The following RNF24 variants were observed in gnomAD, a reference collection of about 807,000 sequenced individuals.
RNF24 encodes ring finger protein 24.
Under a neutral mutation model 20.0 loss-of-function variants are expected in RNF24, and 14 were observed. That is an observed-to-expected ratio of 0.70 (90% CI 0.46 to 1.10). The LOEUF is 1.10. Ranked by LOEUF, RNF24 falls within the 50% of genes least tolerant of loss-of-function variation. The pLI is 0.00. For missense variants in RNF24, 124 were observed against 177.6 expected (o/e 0.70, Z 1.71); for synonymous variants, 45 against 61.1 (o/e 0.74, Z 1.23).
In RNF24 at chr20:4,001,674, C is replaced by T. The variant is rs1011960064; in HGVS notation, c.-8+13763G>A. The stretch of plus-strand genomic sequence containing the variant: ...AGTTTCAGGCCAGCATGGTGAATCA[C>T]GCCCGTAGCCCAGCACTTTGGCAGG... On this transcript the variant is annotated intron_variant, in intron 1 of 5. Coordinates refer to ENST00000358395, the MANE Select transcript of RNF24 (RefSeq NM_001134337.3). Among the ~76,000 whole-genome samples the T allele has an allele frequency of 7.2e-5, 11 of 152,194 alleles. No homozygotes were observed. In the East Asian group the frequency reaches 1.9e-3, roughly 27 times the overall value.
At chr20:4,013,023 C>T (rs183405624) in intron 1 of RNF24, among the ~76,000 whole-genome samples, 88 of 150,706 alleles carry the variant, frequency 5.8e-4, no homozygotes, top group African/African-American at 2.0e-3. Context: ...TTTTTTTCTG[C>T]TTCATTTTTC....
At chr20:3,949,920 C>T (rs1235117933) in intron 2 of RNF24, among the ~76,000 whole-genome samples, 1 of 152,056 alleles carries the variant, frequency 6.6e-6, no homozygotes, top group Non-Finnish European at 1.5e-5. Context: ...TGTTGTTTTA[C>T]CTAACAAATG....
chr20:3,955,137 TG>T (rs1373736063), intron 2 of RNF24, among the ~76,000 whole-genome samples: 1 of 152,230 alleles, frequency 6.6e-6, no homozygotes, highest in African/African-American at 2.4e-5. Context: ...TTCATGTGCT[TG>T]TTGGCCATTT....
At position 4,005,969 on chromosome 20, in the gene RNF24, T is replaced by C. The variant is rs768602715; in HGVS notation, c.-8+9468A>G. Among the ~76,000 whole-genome samples, 79 of 152,180 alleles carry C rather than the reference T, an allele frequency of 5.2e-4. 1 individual carries two copies. The highest frequency in any genetic ancestry group is 1.3e-4 in the Admixed American group (2 of 15,268). Reference sequence around the variant, plus strand: ...TAAACAATTATGATATTAAATCTGCTAAAGGAAGTGAAGAACTGTATCTGA... The same window carrying C: ...TAAACAATTATGATATTAAATCTGCCAAAGGAAGTGAAGAACTGTATCTGA... On this transcript the variant is annotated intron_variant, in intron 1 of 5. Transcript: ENST00000358395.
chr20:3,945,044 T>C (rs1015498309), intron 4 of RNF24, 133 bp downstream of exon 4: 10 of 1,175,786 alleles, frequency 8.5e-6, no homozygotes, highest in Non-Finnish European at 1.2e-5. Flanking sequence ...GACCTCACCC[T>C]GAAATATTCT....
intron 1 of RNF24, among the ~76,000 whole-genome samples, chr20:3,981,698 A>G (rs567505088): frequency 1.3e-5 from 2 of 152,140 alleles, no homozygotes; most frequent in South Asian, 4.1e-4. Flanking sequence ...ACATACATAC[A>G]TTACATATGA....
At chr20:3,993,080 G>A (rs944017976) in intron 1 of RNF24, among the ~76,000 whole-genome samples, 3 of 151,950 alleles carry the variant, frequency 2.0e-5, no homozygotes, top group Admixed American at 2.0e-4. Flanking sequence ...TTTTTTCCAA[G>A]TGATTAATTT....
rs147113996 is a variant in RNF24, at chr20:3,967,936, T to C, written c.-7-3912A>G. Among the ~76,000 whole-genome samples, 1,265 of 132,908 alleles carry C rather than the reference T, an allele frequency of 9.5e-3. 20 individuals carry two copies. The highest frequency in any genetic ancestry group is 0.035 in the African/African-American group (1,192 of 34,278). 87.2% of individuals were successfully genotyped at this position (132,908 alleles called of 152,430 possible). On this transcript the variant is annotated intron_variant, in intron 1 of 5. Coordinates refer to ENST00000358395, the MANE Select transcript of RNF24 (RefSeq NM_001134337.3). ...TGAACCATGGAGTCGGAAGTTGCAG[T>C]GAGCCGAGATTGCGCCACTGCACTC...
intron 1 of RNF24, among the ~76,000 whole-genome samples, chr20:3,995,586 G>C (rs1980794930): frequency 6.6e-6 from 1 of 152,180 alleles, no homozygotes; most frequent in Non-Finnish European, 1.5e-5. Context: ...TTATGAATCA[G>C]CAAAGTGTGC....
At chr20:4,001,598 G>A (rs1309026613) in intron 1 of RNF24, among the ~76,000 whole-genome samples, 1 of 152,028 alleles carries the variant, frequency 6.6e-6, no homozygotes, top group African/African-American at 2.4e-5. Flanking sequence ...CCTTATTTCT[G>A]GTAGAGGAAA....
chr20:3,933,868 T>C lies in RNF24; in HGVS notation c.*195A>G, dbSNP rs1460080415. 1 of 416,532 alleles carries C rather than the reference T, an allele frequency of 2.4e-6. No individual in the cohort carries two copies. Among genetic ancestry groups the C allele is most frequent in the East Asian group, 3.7e-5 (1 of 27,304 alleles). 25.8% of individuals were successfully genotyped at this position (416,532 alleles called of 1,614,324 possible). ...CCACTCCTCTTCTCTCGGCAGGGGG[T>C]AGTGTCAAAGTGCTTTGGTTGTCAC... On this transcript the variant is annotated 3_prime_UTR_variant, in exon 6 of 6. Coordinates refer to ENST00000358395, the MANE Select transcript of RNF24 (RefSeq NM_001134337.3).
chr20:3,945,224 A>C lies in RNF24; in HGVS notation c.187-6T>G. The stretch of plus-strand genomic sequence containing the variant: ...ACTTTCTCTTTTAATATAACCTGTA[A>C]GACAAAAAAGTATGTTCTTATGCCC... On this transcript the variant is annotated splice_polypyrimidine_tract_variant and splice_region_variant and intron_variant, in intron 3 of 5. Coordinates refer to ENST00000358395, the MANE Select transcript of RNF24 (RefSeq NM_001134337.3). The C allele has an allele frequency of 6.3e-7, 1 of 1,586,984 alleles. No individual in the cohort carries two copies. Among genetic ancestry groups the C allele is most frequent in the Non-Finnish European group, 8.6e-7 (1 of 1,164,652 alleles).
At chr20:3,961,891 TA>T (rs2091206038) in intron 2 of RNF24, among the ~76,000 whole-genome samples, 1 of 152,200 alleles carries the variant, frequency 6.6e-6, no homozygotes, top group African/African-American at 2.4e-5. Context: ...TCTCTAATTT[TA>T]AAAAATGCTG....
At chr20:4,007,459 T>C (rs531103333) in intron 1 of RNF24, among the ~76,000 whole-genome samples, 5 of 152,100 alleles carry the variant, frequency 3.3e-5, no homozygotes, top group African/African-American at 1.2e-4. Flanking sequence ...AAAAAATCTG[T>C]TGATGATATA....
intron 1 of RNF24, among the ~76,000 whole-genome samples, chr20:3,982,793 G>A (rs1337800616): frequency 3.3e-5 from 5 of 152,044 alleles, no homozygotes; most frequent in Admixed American, 6.6e-5. Context: ...GGATGTTGAG[G>A]TGGAAGGACT....
intron 1 of RNF24, among the ~76,000 whole-genome samples, chr20:3,992,782 G>A (rs1219148810): frequency 6.6e-6 from 1 of 152,086 alleles, no homozygotes; most frequent in Non-Finnish European, 1.5e-5. Flanking sequence ...TCTTCCTAGT[G>A]TCATAATTTC....
intron 1 of RNF24, among the ~76,000 whole-genome samples, chr20:3,992,828 C>T (rs1347038596): frequency 6.6e-6 from 1 of 152,074 alleles, no homozygotes; most frequent in Non-Finnish European, 1.5e-5. Flanking sequence ...TTAAATAAGT[C>T]AAAATAATAT....
intron 4 of RNF24, among the ~76,000 whole-genome samples, chr20:3,942,275 C>T (rs1479480765): frequency 6.7e-6 from 1 of 148,890 alleles, no homozygotes; most frequent in Admixed American, 6.7e-5. Flanking sequence ...CTCAAGCAAT[C>T]CTCCCACCTC....
intron 1 of RNF24, among the ~76,000 whole-genome samples, chr20:3,973,523 AAAGAG>A (rs1371698473): frequency 2.2e-5 from 3 of 139,138 alleles, no homozygotes; most frequent in South Asian, 2.3e-4. Context: ...AAAAAAAAAA[AAAGAG>A]AAGACACAAA....
Sources: gnomAD v4.1 joint callset for allele counts (sites outside exome capture counted in the v4.1 genomes callset) on GRCh38, gnomAD v4.1.1 for gene constraint, MANE v1.5 for transcripts, NCBI Gene and HGNC (gene_info 2026-07-23, HGNC 2026-07-21) for gene names.